TRIP11: variants seen among roughly 807,000 people sequenced by gnomAD.
TRIP11 encodes thyroid receptor-interacting protein 11.
Under a neutral mutation model 223.1 loss-of-function variants are expected in TRIP11, and 148 were observed. That is an observed-to-expected ratio of 0.66 (90% CI 0.58 to 0.76). The LOEUF (loss-of-function observed/expected upper bound fraction) is 0.76. TRIP11 is among the 30% of genes least tolerant of loss of function. The pLI is 0.00. For synonymous variants in TRIP11, 762 were observed against 772.6 expected, an observed-to-expected ratio of 0.99 and a Z score of 0.23; for missense variants, 2,043 against 2,222.0, an observed-to-expected ratio of 0.92 and a Z score of 1.62.
intron 14 of TRIP11, among the ~76,000 whole-genome samples, 158 bp downstream of exon 14, chr14:91,995,194 G>A (rs778144481): frequency 2.0e-5 from 3 of 152,166 alleles, no homozygotes; most frequent in Non-Finnish European, 4.4e-5. Flanking sequence ...TGTAAAAGGA[G>A]TCTAAATTAA....
intron 1 of TRIP11, among the ~76,000 whole-genome samples, chr14:92,034,170 T>G (rs2057298434): frequency 6.6e-6 from 1 of 152,142 alleles, no homozygotes; most frequent in Admixed American, 6.5e-5. Context: ...CCGCCTGTAA[T>G]CCCAGCACTT....
rs1053714582 is a variant in TRIP11 at position 91,978,730 on chromosome 14, T to C, written c.5261-2541A>G. Among the ~76,000 whole-genome samples the C allele has an allele frequency of 6.6e-6, 1 of 152,120 alleles. No homozygotes were observed. The highest frequency in any genetic ancestry group is 1.5e-5 in the Non-Finnish European group (1 of 68,016). ...CCTGGGCTGATCTCAAACTCCTGCG[T>C]TCAAGTAATTCTCCTGCCATAGCCT... On this transcript the variant is annotated intron_variant, in intron 16 of 20. Coordinates refer to ENST00000267622, the MANE Select transcript of TRIP11 (RefSeq NM_004239.4). This position sits in a 1 kb window ranked among gnomAD's most constrained non-coding sequence, Gnocchi z 4.4.
At chr14:91,979,175 T>C (rs1427868827) in intron 16 of TRIP11, among the ~76,000 whole-genome samples, 2 of 149,784 alleles carry the variant, frequency 1.3e-5, no homozygotes, top group Non-Finnish European at 3.0e-5. Flanking sequence ...GAGGATCGCC[T>C]GAGCCCAGGA....
In TRIP11 at chr14:92,011,005, G is replaced by A. The variant is rs766923679; in HGVS notation, c.1295C>T (p.Ser432Leu). The A allele has an allele frequency of 3.7e-6, 6 of 1,613,726 alleles. No homozygotes were observed. Among genetic ancestry groups the A allele is most frequent in the Admixed American group, 3.3e-5 (2 of 59,966 alleles). Residue 432 changes from serine (S) to leucine (L), a missense_variant, in exon 9 of 21, where the codon TCA (serine) becomes TTA (leucine). Coordinates refer to ENST00000267622, the MANE Select transcript of TRIP11 (RefSeq NM_004239.4). ...ACCCACCTTTTCTTGACTCAGTAAT[G>A]ACTTCTCTTTTTCTAAAACTTCGAT... ...MRIEVLEKEK[S>L]LLSQEKEELQ...
At position 92,005,464 on chromosome 14, in the gene TRIP11, A is replaced by G. The variant is rs1382944058; in HGVS notation, c.2512T>C (p.Leu838=). 1.9e-6 allele frequency: 3 copies of G among 1,613,868 alleles called. No individual in the cohort carries two copies. In the African/African-American group the frequency reaches 4.0e-5, roughly 22 times the overall value. The part of the protein sequence containing the change: ...QEELDKYSQA[L]RKNEILRQTI... ...TGTCTTAAAATTTCATTTTTTCTTA[A>G]GGCCTGAGAATATTTATCCAATTCC... Residue 838 remains leucine, a synonymous_variant, in exon 11 of 21, where the codon TTA becomes CTA. Coordinates refer to ENST00000267622, the MANE Select transcript of TRIP11 (RefSeq NM_004239.4).
chr14:92,036,003 C>G (rs769417530), intron 1 of TRIP11, among the ~76,000 whole-genome samples: 1 of 152,150 alleles, frequency 6.6e-6, no homozygotes, highest in Non-Finnish European at 1.5e-5. Context: ...TGGTTTAAAT[C>G]AAAAGAAGCA....
chr14:91,995,769 C>T (rs568137631), intron 13 of TRIP11, among the ~76,000 whole-genome samples: 237 of 152,076 alleles, frequency 1.6e-3, no homozygotes, highest in African/African-American at 5.3e-3. Context: ...GCGTGCACAA[C>T]CATGCCTGGC....
At chr14:92,026,620 GAGA>G (rs2057191174) in intron 2 of TRIP11, 8 of 1,232,916 alleles carry the variant, frequency 6.5e-6, no homozygotes, top group African/African-American at 1.5e-5. Flanking sequence ...GGACTTAAAG[GAGA>G]AGAAGGAAGT....
Position 91,993,875 on chromosome 14 carries a change from T to C in TRIP11, c.5094A>G (p.Gln1698=). Reference sequence around the variant, plus strand: ...TCTTCCATTCAGCTATAAGCTGTTTTTGCTTTTCGAGTTCAGCAGAATACA... The same window carrying C: ...TCTTCCATTCAGCTATAAGCTGTTTCTGCTTTTCGAGTTCAGCAGAATACA... ...KAMYSAELEK[Q]KQLIAEWKKN... The change falls in exon 15 of 21, where the codon CAA becomes CAG. Residue 1698 remains glutamine, a synonymous_variant. Coordinates refer to ENST00000267622, the MANE Select transcript of TRIP11 (RefSeq NM_004239.4). The C allele has an allele frequency of 6.2e-7, 1 of 1,613,700 alleles. No individual in the cohort carries two copies. Among genetic ancestry groups the C allele is most frequent in the South Asian group, 1.1e-5 (1 of 91,068 alleles).
In TRIP11 at chr14:92,002,985, T is replaced by C. The variant is rs532494423; in HGVS notation, c.4557+434A>G. On this transcript the variant is annotated intron_variant, in intron 11 of 20. Transcript: ENST00000267622. ...CGCACACACACATACATACTCTTAC[T>C]GTGTCACAACGTGAAATGTATTTCT... is the stretch of plus-strand genomic sequence containing the variant. 9.9e-5 allele frequency among the ~76,000 whole-genome samples: 15 copies of C among 152,252 alleles called. No homozygotes were observed. The South Asian group carries it at 2.9e-3, about 29-fold the overall frequency.
chr14:92,025,740 C>T (rs574954100), intron 2 of TRIP11, among the ~76,000 whole-genome samples: 123 of 152,076 alleles, frequency 8.1e-4, no homozygotes, highest in African/African-American at 2.9e-3. Flanking sequence ...ATTAGACGGG[C>T]GTGGTGGCGT....
In TRIP11 at chr14:92,021,831, C is replaced by A; in HGVS notation, c.313G>T (p.Val105Leu). The part of the protein sequence containing the change: ...SYRNQLQQKE[V>L]EISHLKARQI... ...CTGGCTTTAAGATGGCTGATTTCTACCTATATATTTATAATCCAAGTTTTA... is the reference window on the plus strand; with the variant it reads ...CTGGCTTTAAGATGGCTGATTTCTAACTATATATTTATAATCCAAGTTTTA... The change falls in exon 4 of 21, where the codon GTA (valine) becomes TTA (leucine). Residue 105 changes from valine to leucine, a missense_variant and splice_region_variant. Val to Leu is a conservative substitution (Grantham distance 32). Transcript: ENST00000267622. The A allele has an allele frequency of 6.2e-7, 1 of 1,613,230 alleles. No homozygotes were observed. Among genetic ancestry groups the A allele is most frequent in the Non-Finnish European group, 8.5e-7 (1 of 1,179,978 alleles).
At chr14:91,992,017 G>A (rs1350779626) in intron 15 of TRIP11, among the ~76,000 whole-genome samples, 1 of 134,684 alleles carries the variant, frequency 7.4e-6, no homozygotes, top group Non-Finnish European at 1.5e-5. Flanking sequence ...CAGGGCAAAG[G>A]TTGTAGTGAG....
intron 13 of TRIP11, among the ~76,000 whole-genome samples, chr14:91,998,536 T>G (rs1376830834): frequency 6.6e-6 from 1 of 152,098 alleles, no homozygotes; most frequent in East Asian, 1.9e-4. Flanking sequence ...AGTATGAATA[T>G]TATAATCTCA....
chr14:91,971,289 T>C (rs562610423), intron 20 of TRIP11, among the ~76,000 whole-genome samples: 2 of 152,170 alleles, frequency 1.3e-5, no homozygotes, highest in South Asian at 4.1e-4. Context: ...TTGAGCACTC[T>C]TAGGGTTCCC....
intron 5 of TRIP11, among the ~76,000 whole-genome samples, chr14:92,017,269 C>T (rs748573350): frequency 4.6e-5 from 7 of 152,042 alleles, no homozygotes; most frequent in East Asian, 1.9e-4. Flanking sequence ...GGACCAGGCG[C>T]GTTGGCTCAT....
chr14:92,035,726 C>T (rs183553822), intron 1 of TRIP11, among the ~76,000 whole-genome samples: 74 of 151,888 alleles, frequency 4.9e-4, no homozygotes, highest in Middle Eastern at 3.4e-3. Flanking sequence ...TATAGGCCTG[C>T]GCCACCATGC....
rs1290468454 is a variant in TRIP11 at position 91,988,342 on chromosome 14, T to A, written c.5202A>T (p.Ser1734=). ...DEANAALDSA[S]RLTEQLDVKE... is the part of the protein sequence containing the mutation. ...TTACATCTAACTGTTCTGTAAGTCT[T>A]GATGCTGAATCCAATGCAGCATTTG... The change falls in exon 16 of 21, where the codon TCA becomes TCT. Residue 1734 remains serine (S), a synonymous_variant. Transcript: ENST00000267622. 33 of 1,613,798 alleles carry A rather than the reference T, an allele frequency of 2.0e-5. No homozygotes were observed. The highest frequency in any genetic ancestry group is 2.6e-5 in the Non-Finnish European group (31 of 1,179,956).
At chr14:92,017,210 T>C (rs1425913769) in intron 5 of TRIP11, among the ~76,000 whole-genome samples, 2 of 152,082 alleles carry the variant, frequency 1.3e-5, no homozygotes, top group Non-Finnish European at 1.5e-5. Context: ...GAGATTTTTA[T>C]ATACTTTACA....
Sources: allele counts gnomAD v4.1 joint callset (sites outside exome capture counted in the v4.1 genomes callset), GRCh38; gene constraint gnomAD v4.1.1; non-coding constraint Gnocchi (gnomAD v3.1); transcripts MANE v1.5; gene names NCBI Gene and HGNC (gene_info 2026-07-23, HGNC 2026-07-21).